The following CDK13 variants were observed in gnomAD, a reference collection of about 807,000 sequenced individuals.
The protein encoded by CDK13 is cyclin dependent kinase 13.
A neutral mutation model predicts 137.6 loss-of-function variants in CDK13; 40 were observed. The observed-to-expected ratio is 0.29, with a 90% CI of 0.23 to 0.38. The LOEUF (loss-of-function observed/expected upper bound fraction) is 0.38. CDK13 is among the 10% of genes least tolerant of loss of function. The pLI is 1.00. For synonymous variants in CDK13, 869 were observed against 760.1 expected, an observed-to-expected ratio of 1.14 and a Z score of -2.36; for missense variants, 1,704 against 1,951.8, an observed-to-expected ratio of 0.87 and a Z score of 2.39.
At chr7:40,056,801 A>G (rs887482593) in intron 7 of CDK13, among the ~76,000 whole-genome samples, 1 of 152,228 alleles carries the variant, frequency 6.6e-6, no homozygotes, top group Non-Finnish European at 1.5e-5. Flanking sequence ...ATGTGTTGTG[A>G]GATACATCCC....
At chr7:40,068,853 C>G (rs542683404) in intron 9 of CDK13, among the ~76,000 whole-genome samples, 9 of 151,956 alleles carry the variant, frequency 5.9e-5, no homozygotes, top group African/African-American at 2.2e-4. Flanking sequence ...TGAACATGGA[C>G]TTTCAAGAAG....
At chr7:40,071,287 G>A (rs1786416858) in intron 9 of CDK13, 1 of 152,118 alleles carries the variant, frequency 6.6e-6, no homozygotes, top group South Asian at 2.1e-4. Flanking sequence ...AGATATTTAT[G>A]AATTCATTTT....
At chr7:39,981,881 TCCC>T (rs1467619865) in intron 1 of CDK13, among the ~76,000 whole-genome samples, 1 of 149,202 alleles carries the variant, frequency 6.7e-6, no homozygotes, top group East Asian at 2.0e-4. Context: ...AAGCTCTGCC[TCCC>T]GGGTTCATGC....
chr7:39,980,871 A>G (rs915129343), intron 1 of CDK13, among the ~76,000 whole-genome samples: 2 of 152,228 alleles, frequency 1.3e-5, no homozygotes, highest in African/African-American at 4.8e-5. Context: ...ATAGTCTAAC[A>G]ACGAGCACTA....
chr7:40,007,242 GA>G, intron 5 of CDK13, among the ~76,000 whole-genome samples: 1 of 152,306 alleles, frequency 6.6e-6, no homozygotes, highest in Non-Finnish European at 1.5e-5. Flanking sequence ...TAAAAATCAA[GA>G]AGACAGTATT....
chr7:39,950,443 C>G lies in CDK13; in HGVS notation c.-199C>G, dbSNP rs1210560300. The stretch of plus-strand genomic sequence containing the variant: ...CCCGGATTCCTGCTTCCCTGGGGCC[C>G]GGAGGCTGCTGCGTACCCCACTGTG... On this transcript the variant is annotated 5_prime_UTR_variant, in exon 1 of 14. Coordinates refer to ENST00000181839, the MANE Select transcript of CDK13 (RefSeq NM_003718.5). The G allele has an allele frequency of 1.6e-6, 2 of 1,236,092 alleles. No individual in the cohort carries two copies. The highest frequency in any genetic ancestry group is 3.2e-5 in the East Asian group (1 of 31,602). 76.6% of individuals were successfully genotyped at this position (1,236,092 alleles called of 1,614,324 possible). A position where few individuals can be genotyped will look rare whatever the true frequency, so the allele number is the denominator to read the frequency against.
At chr7:40,055,414 T>C (rs1348460669) in intron 7 of CDK13, among the ~76,000 whole-genome samples, 2 of 152,252 alleles carry the variant, frequency 1.3e-5, no homozygotes, top group South Asian at 4.1e-4. Context: ...AGAATGTAAT[T>C]TGTTTTTTAA....
In CDK13 at chr7:40,096,300, T is replaced by C. The variant is rs1342842921; in HGVS notation, c.*1320T>C. The C allele has an allele frequency of 6.6e-6, 1 of 152,188 alleles. No homozygotes were observed. Among genetic ancestry groups the C allele is most frequent in the Non-Finnish European group, 1.5e-5 (1 of 68,026 alleles). 9.4% of individuals were successfully genotyped at this position (152,188 alleles called of 1,614,324 possible). A position where few individuals can be genotyped will look rare whatever the true frequency, so the allele number is the denominator to read the frequency against. On this transcript the variant is annotated 3_prime_UTR_variant, in exon 14 of 14. Transcript: ENST00000181839. Reference sequence around the variant, plus strand: ...TTCCTGTCACATTCTGTAAAGTTGATTATGACTTCTGCCAGACTTAGAGCA... The same window carrying C: ...TTCCTGTCACATTCTGTAAAGTTGACTATGACTTCTGCCAGACTTAGAGCA...
In CDK13 at chr7:39,983,957, A is replaced by G. The variant is rs189261747; in HGVS notation, c.1212-3642A>G. The G allele has an allele frequency of 1.6e-4, 25 of 152,324 alleles. No individual in the cohort carries two copies. The East Asian group carries it at 3.1e-3, about 19-fold the overall frequency. The allele number at this position is 152,324 out of a possible 1,614,324, so 9.4% of individuals were successfully genotyped here. On this transcript the variant is annotated intron_variant, in intron 1 of 13. Transcript: ENST00000181839. ...TGGGTTTTTATGAAATGCTTCCTCA[A>G]TACTGAACCTTAGTTGACCCAAAGC... is the stretch of plus-strand genomic sequence containing the variant.
chr7:40,026,109 CAT>C lies in CDK13; in HGVS notation c.2354-19726_2354-19725del, dbSNP rs1785236726. Among the ~76,000 whole-genome samples, 4 of 152,330 alleles carry C rather than the reference CAT, an allele frequency of 2.6e-5. 1 individual carries two copies. The highest frequency in any genetic ancestry group is 6.5e-5 in the Admixed American group (1 of 15,292). On this transcript the variant is annotated intron_variant, in intron 5 of 13. Transcript: ENST00000181839. ...AGTGGCATCTCTTTTAAGTACTAAA[CAT>C]GTGGGGAGAGTATTTCAGTAGAATT...
Position 40,088,247 on chromosome 7 carries a change from T to C in CDK13, c.3151T>C (p.Leu1051=), listed in dbSNP as rs993983774. 3.3e-5 allele frequency: 53 copies of C among 1,613,910 alleles called. No individual in the cohort carries two copies. The Admixed American group carries it at 8.8e-4, about 27-fold the overall frequency. The stretch of plus-strand genomic sequence containing the variant: ...CCCCAGGAAGGACTTGTCTCTGGGC[T>C]TGGATGACAGCAGAACCAACACACC... ...KAPRKDLSLG[L]DDSRTNTPQG... The change falls in exon 12 of 14, where the codon TTG becomes CTG. Residue 1051 remains leucine (L), a synonymous_variant. Transcript: ENST00000181839.
chr7:40,047,517 A>G (rs1023003295), intron 6 of CDK13, among the ~76,000 whole-genome samples: 1 of 152,092 alleles, frequency 6.6e-6, no homozygotes, highest in Admixed American at 6.5e-5. Context: ...TCATTGAAGT[A>G]TGCTTTTCTA....
intron 5 of CDK13, among the ~76,000 whole-genome samples, chr7:40,020,153 C>T (rs1263439443): frequency 1.3e-5 from 2 of 152,122 alleles, no homozygotes; most frequent in African/African-American, 4.8e-5. Context: ...CTGCAACCTT[C>T]AGCTCCTGGG....
At chr7:39,971,352 G>A (rs773388) in intron 1 of CDK13, among the ~76,000 whole-genome samples, 151,034 of 152,052 alleles carry the variant, frequency 0.99, 75,020 homozygotes, top group South Asian at 1. Flanking sequence ...CCCCATCTCT[G>A]CTAAGGGTAC....
chr7:40,056,958 A>T (rs1466485320), intron 7 of CDK13, among the ~76,000 whole-genome samples: 2 of 152,232 alleles, frequency 1.3e-5, no homozygotes, highest in Non-Finnish European at 2.9e-5. Flanking sequence ...TTCTCACTTA[A>T]TAATCTTGAG....
At chr7:40,002,845 A>G (rs1011805147) in intron 5 of CDK13, among the ~76,000 whole-genome samples, 1 of 149,948 alleles carries the variant, frequency 6.7e-6, no homozygotes, top group Non-Finnish European at 1.5e-5. Flanking sequence ...TGTGAGGATC[A>G]CTTGAGCCCA....
chr7:40,094,154 A>G lies in CDK13; in HGVS notation c.3713A>G (p.Gln1238Arg), dbSNP rs1786989333. ...GGACAAGATGACCTCATCCAGCATC[A>G]AGATATGAGGATCTTGGAGCTAACG... ...VSGQDDLIQH[Q>R]DMRILELTPE... The change falls in exon 14 of 14, where the codon CAA (glutamine) becomes CGA (arginine). Residue 1238 changes from glutamine to arginine, a missense_variant. Physicochemically the swap from Gln to Arg is conservative, Grantham distance 43. Around this residue, in one of 5 missense-constraint regions of CDK13, gnomAD observed 475 missense variants for 579.3 expected, o/e 0.82. Coordinates refer to ENST00000181839, the MANE Select transcript of CDK13 (RefSeq NM_003718.5). The G allele has an allele frequency of 6.2e-7, 1 of 1,613,920 alleles. No homozygotes were observed. Among genetic ancestry groups the G allele is most frequent in the Non-Finnish European group, 8.5e-7 (1 of 1,179,976 alleles).
chr7:40,068,884 A>C (rs992545974), intron 9 of CDK13, among the ~76,000 whole-genome samples: 1 of 151,982 alleles, frequency 6.6e-6, no homozygotes, highest in Admixed American at 6.6e-5. Context: ...AGAAATTTTC[A>C]TTTTCTAGTT....
chr7:39,955,128 G>A (rs898811909), intron 1 of CDK13, among the ~76,000 whole-genome samples: 1 of 152,070 alleles, frequency 6.6e-6, no homozygotes, highest in African/African-American at 2.4e-5. Flanking sequence ...GGAAGGTCAC[G>A]TAATCTTGCT....
Sources: allele counts gnomAD v4.1 joint callset (sites outside exome capture counted in the v4.1 genomes callset), GRCh38; gene constraint gnomAD v4.1.1; regional missense constraint gnomAD v4.1.1; transcripts MANE v1.5; gene names NCBI Gene and HGNC (gene_info 2026-07-23, HGNC 2026-07-21).